PPP1R9A: variants seen among roughly 807,000 people sequenced by gnomAD.
The protein encoded by PPP1R9A is protein phosphatase 1 regulatory subunit 9A, also known as neurabin-1.
PPP1R9A carries 59 observed loss-of-function variants against 141.9 expected under a neutral mutation model. The ratio of observed to expected loss-of-function variants is 0.42; its 90% CI spans 0.34 to 0.52. The LOEUF (loss-of-function observed/expected upper bound fraction) is 0.52, where lower values mean the gene tolerates loss of function less well. Among genes scored for constraint, PPP1R9A ranks in the 20% least tolerant of loss-of-function variants. The pLI, the probability that PPP1R9A is intolerant of heterozygous loss-of-function variation, is 0.10. For synonymous variants in PPP1R9A, 500 were observed against 569.7 expected (o/e 0.88, Z 1.74); for missense variants, 1,444 against 1,611.9 (o/e 0.90, Z 1.78).
chr7:94,932,888 A>C (rs1301822057), intron 2 of PPP1R9A, among the ~76,000 whole-genome samples: 1 of 151,444 alleles, frequency 6.6e-6, no homozygotes, highest in Non-Finnish European at 1.5e-5. Flanking sequence ...GGAGTGCAGT[A>C]AATATATGTG....
rs1809876972 is a variant in PPP1R9A at position 95,045,480 on chromosome 7, A to G, written c.1396-65779A>G. Among the ~76,000 whole-genome samples, 3 of 152,190 alleles carry G rather than the reference A, an allele frequency of 2.0e-5. No individual in the cohort carries two copies. The South Asian group carries it at 6.2e-4, about 32-fold the overall frequency. ...ATGCGCAGTGTGTTTAAGAAGTTGT[A>G]CACATGCTCACTTGAGGCTTTCTTC... On this transcript the variant is annotated intron_variant, in intron 2 of 19. Transcript: ENST00000433360.
chr7:95,224,518 G>A (rs1398616812), intron 7 of PPP1R9A, among the ~76,000 whole-genome samples: 1 of 152,082 alleles, frequency 6.6e-6, no homozygotes, highest in Non-Finnish European at 1.5e-5. Context: ...GCAATTTAGA[G>A]AAATGTGGAA....
intron 4 of PPP1R9A, among the ~76,000 whole-genome samples, chr7:95,135,852 T>G (rs1292354766): frequency 7.0e-6 from 1 of 143,318 alleles, no homozygotes; most frequent in South Asian, 2.2e-4. Flanking sequence ...CTTTCAGCTT[T>G]ACTTTTTTTT....
intron 7 of PPP1R9A, among the ~76,000 whole-genome samples, chr7:95,211,580 C>T (rs1243093550): frequency 2.6e-5 from 4 of 152,192 alleles, no homozygotes; most frequent in African/African-American, 9.7e-5. Flanking sequence ...ATTTATATCA[C>T]TGGCCAATAC....
chr7:95,143,837 T>C (rs1054513291), intron 4 of PPP1R9A, among the ~76,000 whole-genome samples: 1 of 151,968 alleles, frequency 6.6e-6, no homozygotes, highest in Non-Finnish European at 1.5e-5. Flanking sequence ...CCAAATCGTC[T>C]TTTAATTTTT....
chr7:94,970,446 C>T (rs140249622), intron 2 of PPP1R9A, among the ~76,000 whole-genome samples: 8 of 152,204 alleles, frequency 5.3e-5, no homozygotes, highest in Admixed American at 2.6e-4. Context: ...AATGCCCCAA[C>T]CTGCTTTGGC....
rs754672324 is a variant in PPP1R9A at position 94,990,951 on chromosome 7, C to T, written c.1395+79443C>T. Among the ~76,000 whole-genome samples, 8 of 151,988 alleles carry T rather than the reference C, an allele frequency of 5.3e-5. No individual in the cohort carries two copies. The South Asian group carries it at 6.2e-4, about 12-fold the overall frequency. ...ACCACATTTTCTTTATCTCTGTTGT[C>T]GGACACCTGATTTAATTTCATATCT... On this transcript the variant is annotated intron_variant, in intron 2 of 19. Transcript: ENST00000433360.
At chr7:95,164,741 C>CTTTTTTTTTTTTTTTTTTTTTT (rs200177321) in intron 5 of PPP1R9A, among the ~76,000 whole-genome samples, 9 of 66,172 alleles carry the variant, frequency 1.4e-4, no homozygotes, top group Non-Finnish European at 2.0e-4. Context: ...CTTTTCTTTT[C>CTTTTTTTTTTTTTTTTTTTTTT]TTTTTTTTTT....
chr7:95,151,817 T>G (rs960096001), intron 4 of PPP1R9A, among the ~76,000 whole-genome samples: 1 of 152,032 alleles, frequency 6.6e-6, no homozygotes, highest in Non-Finnish European at 1.5e-5. Flanking sequence ...GGAAAGTTTA[T>G]TAATTTCCAA....
chr7:95,114,838 A>G (rs1821190840), intron 3 of PPP1R9A, among the ~76,000 whole-genome samples: 1 of 151,630 alleles, frequency 6.6e-6, no homozygotes, highest in Non-Finnish European at 1.5e-5. Flanking sequence ...AGAGAAAATT[A>G]TAACTCATAT....
At chr7:95,159,608 C>A (rs1474550901) in intron 4 of PPP1R9A, among the ~76,000 whole-genome samples, 1 of 151,910 alleles carries the variant, frequency 6.6e-6, no homozygotes, top group Non-Finnish European at 1.5e-5. Flanking sequence ...TTCAACTTTT[C>A]TGTAATGTGC....
At chr7:94,978,240 C>G (rs1799698992) in intron 2 of PPP1R9A, among the ~76,000 whole-genome samples, 1 of 152,162 alleles carries the variant, frequency 6.6e-6, no homozygotes, top group Non-Finnish European at 1.5e-5. Flanking sequence ...AAGGAATAAT[C>G]TAGGAGAGTA....
rs1167382285 is a variant in PPP1R9A at position 95,151,941 on chromosome 7, C to CTTTTTTTTTTTTTTT, written c.1650-9911_1650-9897dup. The stretch of plus-strand genomic sequence containing the variant: ...AATGTCAGCACATAGTACTGAGAAT[C>CTTTTTTTTTTTTTTT]TTTTTTTTTTTTTTTTTTTTTTTTT... On this transcript the variant is annotated intron_variant, in intron 4 of 19. Coordinates refer to ENST00000433360, the MANE Select transcript of PPP1R9A (RefSeq NM_001166160.2). Among the ~76,000 whole-genome samples, 42 of 54,466 alleles carry CTTTTTTTTTTTTTTT rather than the reference C, an allele frequency of 7.7e-4. 6 individuals are homozygous for CTTTTTTTTTTTTTTT. Among genetic ancestry groups the CTTTTTTTTTTTTTTT allele is most frequent in the East Asian group, 2.1e-3 (3 of 1,428 alleles). 35.7% of individuals were successfully genotyped at this position (54,466 alleles called of 152,430 possible). A position where few individuals can be genotyped will look rare whatever the true frequency, so the allele number is the denominator to read the frequency against.
At chr7:94,959,791 G>C (rs1797421981) in intron 2 of PPP1R9A, among the ~76,000 whole-genome samples, 1 of 151,576 alleles carries the variant, frequency 6.6e-6, no homozygotes, top group African/African-American at 2.4e-5. Flanking sequence ...CTTAAAATAT[G>C]ATTGGTTTTG....
At chr7:95,046,108 T>G (rs1170739689) in intron 2 of PPP1R9A, among the ~76,000 whole-genome samples, 1 of 149,854 alleles carries the variant, frequency 6.7e-6, no homozygotes, top group African/African-American at 2.5e-5. Flanking sequence ...AGACAGAGTC[T>G]CGCTCTGCCG....
chr7:95,214,862 G>A (rs1055161303), intron 7 of PPP1R9A, among the ~76,000 whole-genome samples: 2 of 152,208 alleles, frequency 1.3e-5, no homozygotes, highest in African/African-American at 4.8e-5. Flanking sequence ...GTGAGAGCCT[G>A]AAGGTAAGGA....
At chr7:95,114,559 C>A (rs1216477492) in intron 3 of PPP1R9A, among the ~76,000 whole-genome samples, 1 of 151,860 alleles carries the variant, frequency 6.6e-6, no homozygotes, top group South Asian at 2.1e-4. Flanking sequence ...ATATTAAACT[C>A]ATTTGTATGT....
At chr7:94,991,178 A>G (rs1456748881) in intron 2 of PPP1R9A, among the ~76,000 whole-genome samples, 2 of 152,100 alleles carry the variant, frequency 1.3e-5, no homozygotes, top group African/African-American at 4.8e-5. Flanking sequence ...TTATCTCCCC[A>G]TTCTTGCTAG....
intron 2 of PPP1R9A, among the ~76,000 whole-genome samples, chr7:95,089,859 A>T (rs1284611898): frequency 6.6e-6 from 1 of 151,934 alleles, no homozygotes; most frequent in African/African-American, 2.4e-5. Context: ...CATATGACAG[A>T]TTATTCCACA....
Sources: allele counts gnomAD v4.1 joint callset (sites outside exome capture counted in the v4.1 genomes callset), GRCh38; gene constraint gnomAD v4.1.1; transcripts MANE v1.5; gene names NCBI Gene and HGNC (gene_info 2026-07-23, HGNC 2026-07-21).